FSTL4: variants seen among roughly 807,000 people sequenced by gnomAD.
FSTL4 encodes follistatin-related protein 4.
FSTL4 carries 28 observed loss-of-function variants against 78.2 expected under a neutral mutation model. The observed-to-expected ratio is 0.36, with a 90% CI of 0.27 to 0.49. The LOEUF (loss-of-function observed/expected upper bound fraction) is 0.49. Among genes scored for constraint, FSTL4 ranks in the 20% least tolerant of loss-of-function variants. FSTL4 has a pLI of 0.98. For missense variants in FSTL4, 922 were observed against 1,084.9 expected (o/e 0.85, Z 2.11); for synonymous variants, 422 against 440.5 (o/e 0.96, Z 0.53).
At chr5:133,210,320 G>A in intron 13 of FSTL4, 22 bp from the exon 14 acceptor site, 1 of 1,355,788 alleles carries the variant, frequency 7.4e-7, no homozygotes, top group Non-Finnish European at 1.1e-6. Context: ...ATAGTGACAT[G>A]TTGTGAAAGC....
chr5:133,280,647 G>C (rs1232664311), intron 6 of FSTL4, among the ~76,000 whole-genome samples: 1 of 152,150 alleles, frequency 6.6e-6, no homozygotes, highest in Non-Finnish European at 1.5e-5. Flanking sequence ...CCAGGGCTTA[G>C]CAAAGAGCCT....
chr5:133,783,763 A>G, the FSTL4 span, among the ~76,000 whole-genome samples: 1 of 152,176 alleles, frequency 6.6e-6, no homozygotes, highest in Non-Finnish European at 1.5e-5. Flanking sequence ...CTTTCTCCAG[A>G]CTGGACTGTA....
At chr5:133,779,578 TC>T in the FSTL4 span, among the ~76,000 whole-genome samples, 1 of 150,734 alleles carries the variant, frequency 6.6e-6, no homozygotes, top group Non-Finnish European at 1.5e-5. Flanking sequence ...AGAGCAAAAC[TC>T]CATCTCAAAA....
At chr5:133,706,489 A>G in the FSTL4 span, among the ~76,000 whole-genome samples, 1 of 152,210 alleles carries the variant, frequency 6.6e-6, no homozygotes, top group African/African-American at 2.4e-5. Flanking sequence ...AAAATACACT[A>G]CAACTTAATA....
At chr5:133,633,165 G>A in the FSTL4 span, among the ~76,000 whole-genome samples, 332 of 152,268 alleles carry the variant, frequency 2.2e-3, 3 homozygotes, top group African/African-American at 7.2e-3. Flanking sequence ...CTCCTTGAAT[G>A]TGTAGATTGA....
At chr5:133,622,210 A>G in the FSTL4 span, among the ~76,000 whole-genome samples, 8 of 152,312 alleles carry the variant, frequency 5.3e-5, no homozygotes, top group Admixed American at 3.9e-4. Flanking sequence ...GAATCATACA[A>G]GTTGTTTCAT....
At chr5:133,211,241 A>G (rs1750702814) in intron 13 of FSTL4, among the ~76,000 whole-genome samples, 1 of 152,200 alleles carries the variant, frequency 6.6e-6, no homozygotes, top group Non-Finnish European at 1.5e-5. Context: ...TATAGATTAC[A>G]AGCTCAAAAA....
chr5:133,566,006 C>A (rs1470161662), intron 3 of FSTL4, among the ~76,000 whole-genome samples: 2 of 152,170 alleles, frequency 1.3e-5, no homozygotes, highest in Non-Finnish European at 2.9e-5. Context: ...CTCCATCAAC[C>A]TTCATCCATT....
intron 3 of FSTL4, among the ~76,000 whole-genome samples, chr5:133,500,310 C>T (rs58467176): frequency 3.3e-5 from 5 of 152,156 alleles, no homozygotes; most frequent in African/African-American, 1.2e-4. Context: ...ATGCCAACGA[C>T]CCTTAGCATT....
intron 7 of FSTL4, among the ~76,000 whole-genome samples, chr5:133,240,187 C>T (rs1425149175): frequency 6.6e-6 from 1 of 152,184 alleles, no homozygotes; most frequent in African/African-American, 2.4e-5. Flanking sequence ...ATCCGAGCAT[C>T]AGAAGGAACA....
chr5:133,304,068 G>T (rs567319206), intron 6 of FSTL4, among the ~76,000 whole-genome samples: 2 of 152,302 alleles, frequency 1.3e-5, no homozygotes, highest in South Asian at 4.1e-4. Context: ...CACATCCTAA[G>T]CCCGTCAACA....
the FSTL4 span, among the ~76,000 whole-genome samples, chr5:133,699,891 A>C: frequency 6.6e-6 from 1 of 151,456 alleles, no homozygotes; most frequent in African/African-American, 2.4e-5. Flanking sequence ...AAAAAAAAAA[A>C]AAAAAAAAAA....
the FSTL4 span, among the ~76,000 whole-genome samples, chr5:133,806,689 T>C: frequency 1.2e-3 from 187 of 152,294 alleles, 1 homozygote; most frequent in African/African-American, 4.2e-3. Flanking sequence ...GGATGGAGGA[T>C]AGGAAGTGCC....
At chr5:133,554,877 A>G (rs1393936016) in intron 3 of FSTL4, among the ~76,000 whole-genome samples, 1 of 152,188 alleles carries the variant, frequency 6.6e-6, no homozygotes, top group Non-Finnish European at 1.5e-5. Flanking sequence ...AGATTCACCC[A>G]AGCACCCTCT....
the FSTL4 span, among the ~76,000 whole-genome samples, chr5:133,808,512 C>T: frequency 6.6e-6 from 1 of 152,218 alleles, no homozygotes; most frequent in Admixed American, 6.5e-5. Context: ...CTGAGGAGAA[C>T]ACCCGCAGCT....
intron 4 of FSTL4, among the ~76,000 whole-genome samples, chr5:133,335,684 G>A (rs1039804227): frequency 5.3e-5 from 8 of 151,264 alleles, no homozygotes; most frequent in Admixed American, 5.3e-4. Context: ...CCTTTCTTGG[G>A]GGGGGTGGCA....
chr5:133,631,648 G>A, the FSTL4 span, among the ~76,000 whole-genome samples: 1 of 152,136 alleles, frequency 6.6e-6, no homozygotes, highest in African/African-American at 2.4e-5. Flanking sequence ...CCATTATTGG[G>A]TATATACCCA....
At chr5:133,215,724 G>A (rs1229175323) in intron 13 of FSTL4, among the ~76,000 whole-genome samples, 1 of 152,156 alleles carries the variant, frequency 6.6e-6, no homozygotes, top group Non-Finnish European at 1.5e-5. Flanking sequence ...ACTCCTTCTA[G>A]AGGTTCTAGG....
chr5:133,610,150 C>T (rs1424701522), intron 1 of FSTL4, among the ~76,000 whole-genome samples: 2 of 152,208 alleles, frequency 1.3e-5, no homozygotes, highest in Non-Finnish European at 2.9e-5. Flanking sequence ...GAAAAAAAGT[C>T]CTCAGTGACT....
Sources: allele counts gnomAD v4.1 joint callset (sites outside exome capture counted in the v4.1 genomes callset), GRCh38; gene constraint gnomAD v4.1.1; transcripts MANE v1.5; gene names NCBI Gene and HGNC (gene_info 2026-07-23, HGNC 2026-07-21).